SLC27A6: variants seen among roughly 807,000 people sequenced by gnomAD.
SLC27A6 encodes long-chain fatty acid transport protein 6.
Under a neutral mutation model 63.9 loss-of-function variants are expected in SLC27A6, and 74 were observed. That is an observed-to-expected ratio of 1.16 (90% CI 0.96 to 1.40). The LOEUF (loss-of-function observed/expected upper bound fraction) is 1.40, where lower values mean the gene tolerates loss of function less well. Among genes scored for constraint, SLC27A6 ranks in the 40% most tolerant of loss-of-function variants. The probability of loss-of-function intolerance (pLI) is 0.00; values close to 1 mark genes in which losing one functional copy is unlikely to be tolerated. For synonymous variants in SLC27A6, 287 were observed against 260.8 expected, an observed-to-expected ratio of 1.10 and a Z score of -0.97; for missense variants, 794 against 732.9, an observed-to-expected ratio of 1.08 and a Z score of -0.96.
intron 4 of SLC27A6, among the ~76,000 whole-genome samples, chr5:129,002,565 C>T (rs1180838396): frequency 1.1e-5 from 1 of 89,812 alleles, no homozygotes; most frequent in Non-Finnish European, 2.1e-5. Flanking sequence ...TTTCTTCCTT[C>T]GTTCCTTCGT....
At chr5:128,995,299 C>T (rs755314335) in intron 4 of SLC27A6, among the ~76,000 whole-genome samples, 1 of 152,070 alleles carries the variant, frequency 6.6e-6, no homozygotes, top group Non-Finnish European at 1.5e-5. Flanking sequence ...TAGGGATAGA[C>T]CATATATGTA....
At position 129,023,808 on chromosome 5, in the gene SLC27A6, C is replaced by T. The variant is rs546046700; in HGVS notation, c.1255+98C>T. The T allele has an allele frequency of 1.1e-4, 85 of 773,868 alleles. 1 individual carries two copies. Among genetic ancestry groups the T allele is most frequent in the South Asian group, 8.5e-4 (53 of 62,316 alleles). 47.9% of individuals were successfully genotyped at this position (773,868 alleles called of 1,614,324 possible). On this transcript the variant is annotated intron_variant, in intron 6 of 9. Coordinates refer to ENST00000262462, the MANE Select transcript of SLC27A6 (RefSeq NM_001017372.3). ...CCTTGGGGGATTGGTTCCAGGACCC[C>T]GGGTAGACACCAAAATTCATGGATG...
intron 6 of SLC27A6, among the ~76,000 whole-genome samples, chr5:129,026,735 A>G (rs1228650753): frequency 5.3e-5 from 8 of 152,144 alleles, no homozygotes; most frequent in Non-Finnish European, 1.2e-4. Flanking sequence ...TAAATGCCCA[A>G]TAAAAAATGC....
At chr5:129,017,164 T>C (rs1751925622) in intron 5 of SLC27A6, among the ~76,000 whole-genome samples, 1 of 152,182 alleles carries the variant, frequency 6.6e-6, no homozygotes, top group Non-Finnish European at 1.5e-5. Context: ...CAAGCACTTT[T>C]GAAACGTTTA....
chr5:129,023,780 T>TA, intron 6 of SLC27A6, 70 bp downstream of exon 6: 1 of 1,106,500 alleles, frequency 9.0e-7, no homozygotes, highest in Non-Finnish European at 1.3e-6. Context: ...CATCCCTTGG[T>TA]ATCCTTGGGG....
chr5:129,010,387 T>C (rs1751690330), intron 4 of SLC27A6, among the ~76,000 whole-genome samples: 2 of 152,196 alleles, frequency 1.3e-5, no homozygotes, highest in Admixed American at 1.3e-4. Context: ...AGTAGAAACA[T>C]TGGCAAAAGG....
intron 4 of SLC27A6, among the ~76,000 whole-genome samples, chr5:129,015,588 C>G (rs987923319): frequency 6.6e-6 from 1 of 151,774 alleles, no homozygotes; most frequent in East Asian, 1.9e-4. Context: ...TTTTTTTCTT[C>G]CTGAAAAATG....
intron 1 of SLC27A6, among the ~76,000 whole-genome samples, chr5:128,967,813 C>T (rs1298740670): frequency 2.6e-5 from 4 of 151,898 alleles, no homozygotes; most frequent in Non-Finnish European, 4.4e-5. Flanking sequence ...GCACAAAGTG[C>T]AGGTTTGTTA....
chr5:128,969,083 G>T (rs1750032273), intron 1 of SLC27A6, among the ~76,000 whole-genome samples: 1 of 152,080 alleles, frequency 6.6e-6, no homozygotes, highest in Admixed American at 6.6e-5. Flanking sequence ...TAGATGTGTG[G>T]TATTATTTCT....
intron 4 of SLC27A6, among the ~76,000 whole-genome samples, chr5:128,991,732 A>C (rs2577415): frequency 0.59 from 89,202 of 150,858 alleles, 26,957 homozygotes; most frequent in Non-Finnish European, 0.66. Flanking sequence ...AAAAAAAAAA[A>C]CCCACATTGC....
rs752546635 is a variant in SLC27A6 at position 129,029,558 on chromosome 5, AT to A, written c.1553-16del. On this transcript the variant is annotated intron_variant, in intron 8 of 9. Coordinates refer to ENST00000262462, the MANE Select transcript of SLC27A6 (RefSeq NM_001017372.3). ...TTATTTGGTACTTAAAAATGACTCT[AT>A]TTCAAACTTTTTTTCAGGTTATGAA... 1.3e-6 allele frequency: 2 copies of A among 1,535,214 alleles called. No individual in the cohort carries two copies. Among genetic ancestry groups the A allele is most frequent in the Admixed American group, 4.4e-5 (2 of 45,756 alleles).
intron 3 of SLC27A6, among the ~76,000 whole-genome samples, chr5:128,989,028 TCAAA>T (rs1381801169): frequency 2.6e-5 from 4 of 152,156 alleles, no homozygotes; most frequent in Non-Finnish European, 4.4e-5. Flanking sequence ...TCACTCACCC[TCAAA>T]CAAACTACCC....
chr5:129,003,483 A>G (rs1427966418), intron 4 of SLC27A6, among the ~76,000 whole-genome samples: 4 of 152,288 alleles, frequency 2.6e-5, no homozygotes, highest in East Asian at 1.9e-4. Context: ...TGCTTGATCA[A>G]TTCAAGCCAC....
Position 128,970,609 on chromosome 5 carries a change from CT to C in SLC27A6, c.481+3994del, listed in dbSNP as rs949261372. Among the ~76,000 whole-genome samples the C allele has an allele frequency of 7.6e-4, 115 of 152,160 alleles. 1 individual carries two copies. Among genetic ancestry groups the C allele is most frequent in the African/African-American group, 2.7e-3 (111 of 41,522 alleles). On this transcript the variant is annotated intron_variant, in intron 1 of 9. Transcript: ENST00000262462. ...TCCGTGGGATCAGTGGTTGTATCCC[CT>C]TTATCATTTTTTATTGTGTCTATTT...
At chr5:129,001,008 C>T (rs1365909976) in intron 4 of SLC27A6, among the ~76,000 whole-genome samples, 1 of 152,190 alleles carries the variant, frequency 6.6e-6, no homozygotes, top group East Asian at 1.9e-4. Context: ...TGTGCTGTAA[C>T]ACTTGAAATC....
At chr5:129,005,608 ATTT>A (rs34048257) in intron 4 of SLC27A6, among the ~76,000 whole-genome samples, 5 of 98,912 alleles carry the variant, frequency 5.1e-5, no homozygotes, top group African/African-American at 3.9e-5. Context: ...GTCTGGTTGT[ATTT>A]TTTTTTTTTT....
At chr5:129,012,134 T>C (rs1751747597) in intron 4 of SLC27A6, among the ~76,000 whole-genome samples, 1 of 151,920 alleles carries the variant, frequency 6.6e-6, no homozygotes, top group African/African-American at 2.4e-5. Context: ...TTTTGCTGCA[T>C]AGCATAATTT....
rs76331109 is a variant in SLC27A6 at position 128,966,462 on chromosome 5, G to C, written c.325G>C (p.Ala109Pro). 6.2e-7 allele frequency: 1 copy of C among 1,608,432 alleles called. No individual in the cohort carries two copies. Among genetic ancestry groups the C allele is most frequent in the African/African-American group, 1.3e-5 (1 of 74,878 alleles). ...HSSLKKGDTV[A>P]LLMSNEPDFV... ...CTCTCTGAAAAAGGGGGACACGGTGGCTCTGCTGATGAGCAATGAGCCGGA... is the reference window on the plus strand; with the variant it reads ...CTCTCTGAAAAAGGGGGACACGGTGCCTCTGCTGATGAGCAATGAGCCGGA... Residue 109 changes from alanine to proline, a missense_variant, in exon 1 of 10, where the codon GCT becomes CCT. Physicochemically the swap from Ala to Pro is conservative, Grantham distance 27. Transcript: ENST00000262462.
At chr5:128,996,012 C>T (rs145599427) in intron 4 of SLC27A6, among the ~76,000 whole-genome samples, 95 of 144,846 alleles carry the variant, frequency 6.6e-4, no homozygotes, top group African/African-American at 2.3e-3. Context: ...AACTGAGATT[C>T]GAGGAATTAA....
Sources: allele counts gnomAD v4.1 joint callset (sites outside exome capture counted in the v4.1 genomes callset), GRCh38; gene constraint gnomAD v4.1.1; transcripts MANE v1.5; gene names NCBI Gene and HGNC (gene_info 2026-07-23, HGNC 2026-07-21).